The following ADD3 variants were observed in gnomAD, a reference collection of about 807,000 sequenced individuals.
The protein encoded by ADD3 is gamma-adducin.
Under a neutral mutation model 80.2 loss-of-function variants are expected in ADD3, and 25 were observed. The ratio of observed to expected loss-of-function variants is 0.31; its 90% CI spans 0.23 to 0.44. ADD3 has a LOEUF of 0.44. Among genes scored for constraint, ADD3 ranks in the 20% least tolerant of loss-of-function variants. ADD3 has a pLI of 1.00. For missense variants in ADD3, 829 were observed against 847.5 expected, an observed-to-expected ratio of 0.98 and a Z score of 0.27; for synonymous variants, 284 against 289.6, an observed-to-expected ratio of 0.98 and a Z score of 0.20.
chr10:110,065,140 G>T (rs1014705824), intron 1 of ADD3, among the ~76,000 whole-genome samples: 1 of 152,036 alleles, frequency 6.6e-6, no homozygotes, highest in Non-Finnish European at 1.5e-5. Context: ...CCTAGAATTT[G>T]TCCTTTAAAA....
intron 1 of ADD3, among the ~76,000 whole-genome samples, chr10:110,048,117 C>A (rs998255835): frequency 1.3e-5 from 2 of 152,118 alleles, no homozygotes; most frequent in African/African-American, 4.8e-5. Flanking sequence ...CCTTAAGTCT[C>A]ACGAGATGTG....
At chr10:110,013,184 C>T (rs1852533755) in intron 1 of ADD3, among the ~76,000 whole-genome samples, 1 of 152,100 alleles carries the variant, frequency 6.6e-6, no homozygotes, top group Admixed American at 6.5e-5. Flanking sequence ...CACACTGCAA[C>T]CTCTGCCTTC....
chr10:110,065,375 A>G (rs936084804), intron 1 of ADD3, among the ~76,000 whole-genome samples: 8 of 151,776 alleles, frequency 5.3e-5, no homozygotes, highest in Non-Finnish European at 1.5e-5. Context: ...ACCACTCTGC[A>G]AAAAGTCTCT....
At chr10:110,017,034 C>T (rs1589735529) in intron 1 of ADD3, among the ~76,000 whole-genome samples, 1 of 152,092 alleles carries the variant, frequency 6.6e-6, no homozygotes, top group East Asian at 1.9e-4. Context: ...TTTTGTTAGC[C>T]TTTAAAACCT....
At chr10:110,073,138 C>T (rs11194974) in intron 1 of ADD3, among the ~76,000 whole-genome samples, 8,391 of 93,930 alleles carry the variant, frequency 0.089, 475 homozygotes, top group Non-Finnish European at 0.12. Flanking sequence ...TTTTAGTTTT[C>T]TTTTTTTTTT....
intron 5 of ADD3, among the ~76,000 whole-genome samples, chr10:110,118,060 AC>A (rs1271531334): frequency 2.1e-5 from 3 of 142,282 alleles, no homozygotes; most frequent in Admixed American, 1.4e-4. Flanking sequence ...ACACACACAC[AC>A]ACACACACAC....
At chr10:110,124,400 T>G in intron 10 of ADD3, 126 bp downstream of exon 10, 1 of 1,154,148 alleles carries the variant, frequency 8.7e-7, no homozygotes, top group Non-Finnish European at 1.2e-6. Context: ...GTCACTTATC[T>G]GGCTTTAACT....
chr10:110,068,343 T>G (rs1167913219), intron 1 of ADD3, among the ~76,000 whole-genome samples: 2 of 152,234 alleles, frequency 1.3e-5, no homozygotes, highest in Non-Finnish European at 2.9e-5. Context: ...CCTCCACTTC[T>G]GAGGGTTTCG....
In ADD3 at chr10:110,118,506, T is replaced by A. The variant is rs1488986367; in HGVS notation, c.568-81T>A. ...CTATCTGACCTTTTACAAAAAGGTTTGCTACCCCCTGGTTTAGCTTGTGAA... is the reference window on the plus strand; with the variant it reads ...CTATCTGACCTTTTACAAAAAGGTTAGCTACCCCCTGGTTTAGCTTGTGAA... On this transcript the variant is annotated intron_variant, in intron 5 of 14. Transcript: ENST00000356080. 3 of 1,256,246 alleles carry A rather than the reference T, an allele frequency of 2.4e-6. No individual in the cohort carries two copies. The African/African-American group carries it at 4.5e-5, about 19-fold the overall frequency. The allele number at this position is 1,256,246 out of a possible 1,614,324, so 77.8% of individuals were successfully genotyped here. A position where few individuals can be genotyped will look rare whatever the true frequency, so the allele number is the denominator to read the frequency against.
At chr10:110,059,876 A>G (rs998595665) in intron 1 of ADD3, among the ~76,000 whole-genome samples, 2 of 152,252 alleles carry the variant, frequency 1.3e-5, no homozygotes, top group African/African-American at 2.4e-5. Context: ...GAAGAGTACA[A>G]CCAAACACAT....
intron 1 of ADD3, among the ~76,000 whole-genome samples, chr10:110,035,484 C>T (rs1855533026): frequency 6.6e-6 from 1 of 152,216 alleles, no homozygotes. Flanking sequence ...TTCCCATCAG[C>T]AGAAGTGCCA....
chr10:110,099,656 T>G (rs946285591), intron 1 of ADD3, among the ~76,000 whole-genome samples: 3 of 152,254 alleles, frequency 2.0e-5, no homozygotes, highest in Non-Finnish European at 1.5e-5. Flanking sequence ...CTGGAGTGTT[T>G]CATCTATTTG....
intron 2 of ADD3, among the ~76,000 whole-genome samples, chr10:110,104,454 G>T (rs768550069): frequency 6.6e-6 from 1 of 152,056 alleles, no homozygotes; most frequent in Non-Finnish European, 1.5e-5. Context: ...TTTTCCTTTT[G>T]TACTGTCTTT....
chr10:110,060,175 G>A (rs949961236), intron 1 of ADD3, among the ~76,000 whole-genome samples: 2 of 152,236 alleles, frequency 1.3e-5, no homozygotes, highest in Non-Finnish European at 2.9e-5. Context: ...AAGCTTGACA[G>A]ATCACAGCTG....
chr10:110,079,893 C>T (rs1845871993), intron 1 of ADD3, among the ~76,000 whole-genome samples: 1 of 152,132 alleles, frequency 6.6e-6, no homozygotes, highest in Non-Finnish European at 1.5e-5. Context: ...GATGGATGTA[C>T]TGTAACTCAG....
chr10:110,031,689 C>T (rs1215440175), intron 1 of ADD3, among the ~76,000 whole-genome samples: 3 of 151,628 alleles, frequency 2.0e-5, no homozygotes, highest in African/African-American at 7.3e-5. Context: ...GCGCCACCCT[C>T]CTACCCTATC....
intron 12 of ADD3, among the ~76,000 whole-genome samples, chr10:110,127,701 C>T (rs2134204919): frequency 6.6e-6 from 1 of 152,320 alleles, no homozygotes; most frequent in Non-Finnish European, 1.5e-5. Flanking sequence ...TCCAGCCCCC[C>T]TTCATTCTGA....
upstream of ADD3, chr10:110,005,896 G>T (rs577159245): frequency 8.0e-4 from 128 of 159,258 alleles, no homozygotes; most frequent in Non-Finnish European, 1.3e-3. Context: ...GAAAGATTCC[G>T]CCTCCTCTCA....
intron 1 of ADD3, among the ~76,000 whole-genome samples, chr10:110,068,605 A>G (rs1336310875): frequency 1.3e-5 from 2 of 152,172 alleles, no homozygotes; most frequent in African/African-American, 2.4e-5. Flanking sequence ...AGCTGTACAT[A>G]TACACTGTCC....
Sources: gnomAD v4.1 joint callset for allele counts (sites outside exome capture counted in the v4.1 genomes callset) on GRCh38, gnomAD v4.1.1 for gene constraint, MANE v1.5 for transcripts, NCBI Gene and HGNC (gene_info 2026-07-23, HGNC 2026-07-21) for gene names.